The following ME3 variants were observed in gnomAD, a reference collection of about 807,000 sequenced individuals.
ME3 encodes malic enzyme 3.
In ME3, 48 loss-of-function variants were observed where a neutral mutation model predicts 68.9. That is an observed-to-expected ratio of 0.70 (90% CI 0.55 to 0.89). The LOEUF is 0.89. ME3 is among the 40% of genes least tolerant of loss of function. ME3 has a pLI of 0.00. For synonymous variants in ME3, 320 were observed against 318.8 expected, an observed-to-expected ratio of 1.00 and a Z score of -0.04; for missense variants, 675 against 797.4, an observed-to-expected ratio of 0.85 and a Z score of 1.85.
At chr11:86,513,922 G>C (rs1002345621) in intron 4 of ME3, among the ~76,000 whole-genome samples, 3 of 152,134 alleles carry the variant, frequency 2.0e-5, no homozygotes, top group Non-Finnish European at 4.4e-5. Context: ...GTTCTTATCT[G>C]TTTCCATGAT....
chr11:86,505,775 G>T (rs1953031015), intron 5 of ME3, among the ~76,000 whole-genome samples: 1 of 152,244 alleles, frequency 6.6e-6, no homozygotes, highest in African/African-American at 2.4e-5. Context: ...ATCCAGGGCT[G>T]TCTTATTGCA....
At chr11:86,611,158 G>A (rs1942543676) in intron 2 of ME3, among the ~76,000 whole-genome samples, 1 of 152,140 alleles carries the variant, frequency 6.6e-6, no homozygotes, top group African/African-American at 2.4e-5. Flanking sequence ...AAAGACAAAT[G>A]CTGCATGATC....
At chr11:86,453,760 A>C (rs143002462) in intron 8 of ME3, among the ~76,000 whole-genome samples, 13 of 152,116 alleles carry the variant, frequency 8.5e-5, no homozygotes, top group Middle Eastern at 3.4e-3. Context: ...TAGTTCTTCA[A>C]CTCCATGGCA....
chr11:86,639,778 A>G (rs984050455), intron 2 of ME3, among the ~76,000 whole-genome samples: 1 of 152,262 alleles, frequency 6.6e-6, no homozygotes, highest in Non-Finnish European at 1.5e-5. Context: ...AAACCTGAAT[A>G]TCCTTTCAAA....
At chr11:86,511,653 A>G (rs1377062710) in intron 4 of ME3, among the ~76,000 whole-genome samples, 1 of 152,124 alleles carries the variant, frequency 6.6e-6, no homozygotes, top group East Asian at 1.9e-4. Flanking sequence ...CCTTTGTAAG[A>G]CTAAGGAAAG....
chr11:86,635,221 C>T (rs1944260014), intron 2 of ME3, among the ~76,000 whole-genome samples: 3 of 152,112 alleles, frequency 2.0e-5, no homozygotes, highest in African/African-American at 7.2e-5. Context: ...AGCCTTGGCC[C>T]TGTAAGAAGA....
chr11:86,603,582 A>G (rs1486876829), intron 2 of ME3, among the ~76,000 whole-genome samples: 3 of 152,326 alleles, frequency 2.0e-5, no homozygotes, highest in African/African-American at 7.2e-5. Flanking sequence ...TGACCCAGCC[A>G]TCCCATTACT....
intron 4 of ME3, among the ~76,000 whole-genome samples, chr11:86,519,492 G>A (rs944504375): frequency 6.6e-6 from 1 of 152,174 alleles, no homozygotes; most frequent in African/African-American, 2.4e-5. Context: ...AAGTAGACAT[G>A]TTCATTTAGG....
intron 7 of ME3, among the ~76,000 whole-genome samples, chr11:86,484,556 G>T (rs569079030): frequency 6.6e-6 from 1 of 152,236 alleles, no homozygotes; most frequent in East Asian, 1.9e-4. Context: ...GTGTGTGTCT[G>T]TAAAACTGTG....
intron 7 of ME3, 87 bp from the exon 8 acceptor site, chr11:86,465,287 G>A: frequency 2.0e-6 from 2 of 988,474 alleles, no homozygotes; most frequent in Admixed American, 3.4e-5. Context: ...GGGTGGGGAG[G>A]TGCAGGCCTG....
At chr11:86,525,456 T>A (rs1954659813) in intron 4 of ME3, among the ~76,000 whole-genome samples, 1 of 152,074 alleles carries the variant, frequency 6.6e-6, no homozygotes. Flanking sequence ...CAATAATTAC[T>A]TTGAATGTAA....
At chr11:86,455,266 A>T (rs538748739) in intron 8 of ME3, among the ~76,000 whole-genome samples, 2 of 152,390 alleles carry the variant, frequency 1.3e-5, no homozygotes, top group East Asian at 3.9e-4. Flanking sequence ...GCCATCAGAG[A>T]ACTCCCAGTT....
intron 13 of ME3, among the ~76,000 whole-genome samples, chr11:86,445,975 C>T (rs1413161872): frequency 6.6e-6 from 1 of 152,108 alleles, no homozygotes; most frequent in African/African-American, 2.4e-5. Flanking sequence ...TCCACAAGCC[C>T]TCAGTTTCAG....
chr11:86,486,120 T>C (rs1353780639), intron 7 of ME3, among the ~76,000 whole-genome samples: 1 of 152,170 alleles, frequency 6.6e-6, no homozygotes, highest in Non-Finnish European at 1.5e-5. Flanking sequence ...TGCCCAGTAC[T>C]CTGCCTTCCC....
chr11:86,438,972 T>G (rs900993414), downstream of ME3, among the ~76,000 whole-genome samples: 7 of 152,134 alleles, frequency 4.6e-5, no homozygotes, highest in Admixed American at 2.6e-4. Flanking sequence ...GATGGTATAG[T>G]TCCTGTCTAA....
chr11:86,644,711 A>T (rs2135398721), intron 2 of ME3, among the ~76,000 whole-genome samples: 1 of 152,276 alleles, frequency 6.6e-6, no homozygotes, highest in South Asian at 2.1e-4. Context: ...TTATTCTCTT[A>T]CACTATACTC....
chr11:86,556,668 C>G (rs927375083), exon 4 of ME3: 5 of 1,614,164 alleles, frequency 3.1e-6, no homozygotes, highest in East Asian at 2.2e-5. Flanking sequence ...AAGAGCTTCT[C>G]GTTCCGGTCT....
At chr11:86,612,575 T>C (rs1206510805) in intron 2 of ME3, among the ~76,000 whole-genome samples, 3 of 152,236 alleles carry the variant, frequency 2.0e-5, no homozygotes, top group African/African-American at 7.2e-5. Context: ...CAACCATCTA[T>C]TGTTTCCAGA....
chr11:86,580,789 AT>A (rs552231037), intron 2 of ME3, among the ~76,000 whole-genome samples: 2 of 152,120 alleles, frequency 1.3e-5, no homozygotes, highest in Non-Finnish European at 2.9e-5. Context: ...CAAAATAATC[AT>A]TTTTTTGCAC....
Sources: gnomAD v4.1 joint callset for allele counts (sites outside exome capture counted in the v4.1 genomes callset) on GRCh38, gnomAD v4.1.1 for gene constraint, MANE v1.5 for transcripts, NCBI Gene and HGNC (gene_info 2026-07-23, HGNC 2026-07-21) for gene names.